The following CDH13 variants were observed in gnomAD, a reference collection of about 807,000 sequenced individuals.
The protein encoded by CDH13 is cadherin-13.
A neutral mutation model predicts 63.8 loss-of-function variants in CDH13; 24 were observed. The ratio of observed to expected loss-of-function variants is 0.38; its 90% confidence interval spans 0.27 to 0.53. The LOEUF (loss-of-function observed/expected upper bound fraction) is 0.53, where lower values mean the gene tolerates loss of function less well. CDH13 is among the 20% of genes least tolerant of loss of function. The pLI is 0.85. For synonymous variants in CDH13, 503 were observed against 355.3 expected (o/e 1.42, Z -4.67); for missense variants, 1,049 against 903.1 (o/e 1.16, Z -2.07).
chr16:82,795,613 T>G (rs1466006162), intron 1 of CDH13, among the ~76,000 whole-genome samples: 1 of 152,150 alleles, frequency 6.6e-6, no homozygotes, highest in Non-Finnish European at 1.5e-5. Flanking sequence ...AGGAGAAGCT[T>G]ACACACCTCA....
chr16:83,022,653 C>G (rs1901849742), intron 2 of CDH13, among the ~76,000 whole-genome samples: 1 of 152,164 alleles, frequency 6.6e-6, no homozygotes, highest in Non-Finnish European at 1.5e-5. Flanking sequence ...AGGGCTACAA[C>G]TTCCAGGGTG....
chr16:83,578,345 G>C (rs1045423598), intron 7 of CDH13, among the ~76,000 whole-genome samples: 8 of 152,174 alleles, frequency 5.3e-5, no homozygotes, highest in Non-Finnish European at 1.0e-4. Flanking sequence ...GGCACAGACC[G>C]GGCGGTCAAT....
At chr16:83,662,516 G>T (rs963653131) in intron 8 of CDH13, among the ~76,000 whole-genome samples, 18 of 152,182 alleles carry the variant, frequency 1.2e-4, no homozygotes, top group African/African-American at 4.3e-4. Context: ...TCTGGGATTT[G>T]CTCCAAACAG....
chr16:82,833,175 C>A (rs1322709578), intron 1 of CDH13, among the ~76,000 whole-genome samples: 1 of 152,196 alleles, frequency 6.6e-6, no homozygotes, highest in African/African-American at 2.4e-5. Flanking sequence ...ATCTAAAAAA[C>A]AAATGTTTCG....
At chr16:83,784,963 A>G (rs1915781785) in intron 13 of CDH13, among the ~76,000 whole-genome samples, 1 of 152,256 alleles carries the variant, frequency 6.6e-6, no homozygotes, top group Non-Finnish European at 1.5e-5. Context: ...GAGAGAAAAT[A>G]GAAATCAAGA....
rs141837845 is a variant in CDH13 at position 83,375,745 on chromosome 16, C to G, written c.781+30739C>G. On this transcript the variant is annotated intron_variant, in intron 6 of 13. Transcript: ENST00000567109. ...AATCTGAGTCTTGAGGGAACCCCTT[C>G]TGGATAGCATGAGAAGCTTGTTGCA... Among the ~76,000 whole-genome samples, 200 of 152,234 alleles carry G rather than the reference C, an allele frequency of 1.3e-3. 1 individual carries two copies. The highest frequency in any genetic ancestry group is 4.6e-3 in the African/African-American group (191 of 41,542).
intron 3 of CDH13, among the ~76,000 whole-genome samples, chr16:83,113,223 G>C (rs1480005402): frequency 6.6e-6 from 1 of 152,220 alleles, no homozygotes; most frequent in African/African-American, 2.4e-5. Context: ...CAGGATAAAA[G>C]AATCCAACTG....
chr16:82,750,244 A>T (rs1353265794), intron 1 of CDH13, among the ~76,000 whole-genome samples: 1 of 152,126 alleles, frequency 6.6e-6, no homozygotes, highest in African/African-American at 2.4e-5. Flanking sequence ...GAATATCTTT[A>T]TTGCTGAGTA....
intron 7 of CDH13, among the ~76,000 whole-genome samples, chr16:83,528,533 T>C (rs1034446724): frequency 2.0e-5 from 3 of 152,118 alleles, no homozygotes; most frequent in African/African-American, 7.2e-5. Flanking sequence ...CTAAGAGCCC[T>C]TGGGAGGGCA....
rs1371741324 is a variant in CDH13, at chr16:82,967,233, C to T, written c.158-64777C>T. On this transcript the variant is annotated intron_variant, in intron 2 of 13. Transcript: ENST00000567109. The stretch of plus-strand genomic sequence containing the variant: ...CACCCCCACCCCCATGGCTTTACCC[C>T]ATCACATCCTCACAAACTCCCCTCT... Among the ~76,000 whole-genome samples the T allele has an allele frequency of 2.0e-5, 3 of 152,140 alleles. No homozygotes were observed. The East Asian group carries it at 5.8e-4, about 29-fold the overall frequency.
At chr16:82,767,550 T>C (rs1390372173) in intron 1 of CDH13, among the ~76,000 whole-genome samples, 1 of 152,240 alleles carries the variant, frequency 6.6e-6, no homozygotes, top group Admixed American at 6.5e-5. Context: ...TTAAATTCCC[T>C]GTGCCAAACA....
At chr16:82,913,126 T>A (rs2041884235) in intron 2 of CDH13, among the ~76,000 whole-genome samples, 1 of 152,140 alleles carries the variant, frequency 6.6e-6, no homozygotes, top group African/African-American at 2.4e-5. Context: ...AGTAAATTTT[T>A]TTCTTAAAAA....
chr16:83,391,241 C>G (rs542159510), intron 6 of CDH13, among the ~76,000 whole-genome samples: 2 of 151,880 alleles, frequency 1.3e-5, no homozygotes, highest in Admixed American at 6.6e-5. Flanking sequence ...GCGTCTTACC[C>G]GTCGCCCAGG....
chr16:83,507,053 A>G (rs1485945045), intron 7 of CDH13, among the ~76,000 whole-genome samples: 3 of 152,248 alleles, frequency 2.0e-5, no homozygotes, highest in Non-Finnish European at 1.5e-5. Context: ...GATAACTAAT[A>G]CACATAGTCT....
intron 1 of CDH13, among the ~76,000 whole-genome samples, chr16:82,855,092 G>A: frequency 6.6e-6 from 1 of 152,204 alleles, no homozygotes; most frequent in East Asian, 1.9e-4. Context: ...ATTTTGACTG[G>A]TAGGTGAAGT....
At chr16:83,255,739 G>A (rs1180083322) in intron 5 of CDH13, among the ~76,000 whole-genome samples, 2 of 152,200 alleles carry the variant, frequency 1.3e-5, no homozygotes, top group Non-Finnish European at 1.5e-5. Flanking sequence ...GCACTATGCT[G>A]TGGATAGGAC....
chr16:83,739,753 G>A (rs1256455791), intron 10 of CDH13, among the ~76,000 whole-genome samples: 1 of 152,076 alleles, frequency 6.6e-6, no homozygotes, highest in Non-Finnish European at 1.5e-5. Context: ...CCAGCACATG[G>A]GTCAACCAAT....
At chr16:83,013,279 G>A (rs1914344885) in intron 2 of CDH13, among the ~76,000 whole-genome samples, 1 of 152,174 alleles carries the variant, frequency 6.6e-6, no homozygotes, top group Admixed American at 6.5e-5. Flanking sequence ...AACAGTAGTG[G>A]GCCGGATTTG....
chr16:83,065,729 CAAA>C (rs57813644), intron 3 of CDH13, among the ~76,000 whole-genome samples: 1 of 144,948 alleles, frequency 6.9e-6, no homozygotes, highest in Non-Finnish European at 1.5e-5. Context: ...AACAAAAAAA[CAAA>C]AAAAAAAAAA....
Sources: gnomAD v4.1 joint callset for allele counts (sites outside exome capture counted in the v4.1 genomes callset) on GRCh38, gnomAD v4.1.1 for gene constraint, MANE v1.5 for transcripts, NCBI Gene and HGNC (gene_info 2026-07-23, HGNC 2026-07-21) for gene names.